Variants in GRB7 observed in about 807,000 individuals in gnomAD.
GRB7 encodes the protein growth factor receptor bound protein 7.
In GRB7, 47 loss-of-function variants were observed where a neutral mutation model predicts 64.1. That is an observed-to-expected ratio of 0.73 (90% CI 0.58 to 0.94). GRB7 has a LOEUF of 0.94. Ranked by LOEUF, GRB7 falls within the 40% of genes least tolerant of loss-of-function variation. The probability of loss-of-function intolerance (pLI) is 0.00; values close to 1 mark genes in which losing one functional copy is unlikely to be tolerated. For missense variants in GRB7, 634 were observed against 718.4 expected (o/e 0.88, Z 1.34); for synonymous variants, 277 against 279.9 (o/e 0.99, Z 0.10).
chr17:39,745,524 G>T lies in GRB7; in HGVS notation c.1195G>T (p.Ala399Ser), dbSNP rs2060037447. ...REALSVALEE[A>S]QAWRKKTNHR... ...GGCTCTGAGTGTGGCCCTGGAGGAG[G>T]CCCAGGCCTGGAGGGTGAGGCCTGC... Residue 399 changes from alanine (A) to serine (S), a missense_variant, in exon 11 of 15, where the codon GCC (alanine) becomes TCC (serine). Physicochemically the swap from Ala to Ser is moderately conservative, Grantham distance 99 (BLOSUM62 1). This residue lies in a region of GRB7 where 467 missense variants were observed against 576.6 expected (regional missense o/e 0.81). Transcript: ENST00000309156. The T allele has an allele frequency of 6.2e-7, 1 of 1,613,536 alleles. No homozygotes were observed. Among genetic ancestry groups the T allele is most frequent in the Admixed American group, 1.7e-5 (1 of 60,026 alleles).
At chr17:39,745,172 C>A in intron 9 of GRB7, 71 bp from the exon 10 acceptor site, 1 of 1,357,636 alleles carries the variant, frequency 7.4e-7, no homozygotes, top group South Asian at 1.4e-5. Context: ...AAGTCCTGGT[C>A]TGAGGGGGGC....
At chr17:39,746,249 C>A (rs374408703) in intron 14 of GRB7, 47 bp downstream of exon 14, 11 of 1,476,164 alleles carry the variant, frequency 7.5e-6, no homozygotes, top group Non-Finnish European at 8.5e-6. Context: ...ACACAGGACT[C>A]CCAGCAACCT....
chr17:39,745,620 A>G lies in GRB7; in HGVS notation c.1209+82A>G. The G allele has an allele frequency of 1.3e-6, 2 of 1,558,872 alleles. 1 individual carries two copies. Among genetic ancestry groups the G allele is most frequent in the East Asian group, 4.5e-5 (2 of 44,612 alleles). Reference sequence around the variant, plus strand: ...TCCCTGAAATAGGAGGGAGGAAGAGAGGGCGGGGGGAGGCCCCTGGCTGGG... The same window carrying G: ...TCCCTGAAATAGGAGGGAGGAAGAGGGGGCGGGGGGAGGCCCCTGGCTGGG... On this transcript the variant is annotated intron_variant, in intron 11 of 14. Coordinates refer to ENST00000309156, the MANE Select transcript of GRB7 (RefSeq NM_005310.5).
At position 39,746,182 on chromosome 17, in the gene GRB7, A is replaced by G; in HGVS notation, c.1432A>G (p.Lys478Glu). 1 of 1,613,898 alleles carries G rather than the reference A, an allele frequency of 6.2e-7. No individual in the cohort carries two copies. The change falls in exon 14 of 15, where the codon AAG becomes GAG. Residue 478 changes from lysine (K) to glutamate (E), a missense_variant. Lys to Glu is a moderately conservative substitution (Grantham distance 56, BLOSUM62 1). Around this residue, in one of 2 missense-constraint regions of GRB7, gnomAD observed 467 missense variants for 576.6 expected, o/e 0.81. Transcript: ENST00000309156. ...CTCTTTGTGCCACCTGCAGAAAGTG[A>G]AGCATTATCTCATCCTGCCGGTGAG... The part of the protein sequence containing the change: ...VLSLCHLQKV[K>E]HYLILPSEEE...
Position 39,743,446 on chromosome 17 carries a change from T to A in GRB7, c.639T>A (p.Gly213=), listed in dbSNP as rs1038171183. 2.5e-6 allele frequency: 4 copies of A among 1,614,070 alleles called. No homozygotes were observed. Among genetic ancestry groups the A allele is most frequent in the Non-Finnish European group, 3.4e-6 (4 of 1,179,964 alleles). The change falls in exon 6 of 15, where the codon GGT becomes GGA. Residue 213 remains glycine, a synonymous_variant. Coordinates refer to ENST00000309156, the MANE Select transcript of GRB7 (RefSeq NM_005310.5). ...CCAGCTGTCTCGATGCACACACTGGTATATCCCATGAAGACCTCATCCAGG... is the reference window on the plus strand; with the variant it reads ...CCAGCTGTCTCGATGCACACACTGGAATATCCCATGAAGACCTCATCCAGG... ...MVSSCLDAHT[G]ISHEDLIQNF...
chr17:39,746,196 C>T lies in GRB7; in HGVS notation c.1446C>T (p.Ile482=). ...CHLQKVKHYL[I]LPSEEEGRLY... ...TGCAGAAAGTGAAGCATTATCTCAT[C>T]CTGCCGGTGAGCTTCCCTGCGTCCC... Residue 482 remains isoleucine (I), a synonymous_variant, in exon 14 of 15, where the codon ATC becomes ATT. Coordinates refer to ENST00000309156, the MANE Select transcript of GRB7 (RefSeq NM_005310.5). 6.2e-7 allele frequency: 1 copy of T among 1,613,396 alleles called. No homozygotes were observed. The highest frequency in any genetic ancestry group is 8.5e-7 in the Non-Finnish European group (1 of 1,179,386).
Position 39,746,932 on chromosome 17 carries a change from T to C in GRB7, c.*35T>C. ...GGACTGGCTCATGCCTCAGCCCGCC[T>C]TCAGGCTGCCCGCCGCCCCTCCACC... is the stretch of plus-strand genomic sequence containing the variant. On this transcript the variant is annotated 3_prime_UTR_variant, in exon 15 of 15. Transcript: ENST00000309156. The C allele has an allele frequency of 6.3e-7, 1 of 1,578,316 alleles. No individual in the cohort carries two copies. The highest frequency in any genetic ancestry group is 1.1e-5 in the South Asian group (1 of 89,576).
intron 9 of GRB7, 48 bp from the exon 10 acceptor site, chr17:39,745,195 C>A (rs1001675156): frequency 1.3e-6 from 2 of 1,482,540 alleles, no homozygotes; most frequent in Non-Finnish European, 1.8e-6. Context: ...CACAGCCACG[C>A]CCCCAGGACC....
Position 39,746,980 on chromosome 17 carries a change from G to A in GRB7, c.*83G>A, listed in dbSNP as rs938627024. On this transcript the variant is annotated 3_prime_UTR_variant, in exon 15 of 15. Coordinates refer to ENST00000309156, the MANE Select transcript of GRB7 (RefSeq NM_005310.5). ...ACCCATCCAGTGGACTCTGGGGCGC[G>A]GCCACAGGGGACGGGATGAGGAGCG... 4.2e-5 allele frequency: 61 copies of A among 1,448,028 alleles called. No individual in the cohort carries two copies. In the Admixed American group the frequency reaches 6.0e-4, roughly 14 times the overall value. The allele number at this position is 1,448,028 out of a possible 1,614,324, so 89.7% of individuals were successfully genotyped here.
At position 39,747,035 on chromosome 17, in the gene GRB7, C is replaced by T; in HGVS notation, c.*138C>T. ...GGTTCCGCCACTCCAGTTTTCTCCT[C>T]TGCTTCTTTGCCTCCCTCAGATAGA... On this transcript the variant is annotated 3_prime_UTR_variant, in exon 15 of 15. Coordinates refer to ENST00000309156, the MANE Select transcript of GRB7 (RefSeq NM_005310.5). 2.2e-6 allele frequency: 2 copies of T among 911,292 alleles called. No homozygotes were observed. The highest frequency in any genetic ancestry group is 5.4e-5 in the East Asian group (2 of 36,868). 56.5% of individuals were successfully genotyped at this position (911,292 alleles called of 1,614,324 possible).
At position 39,745,755 on chromosome 17, in the gene GRB7, C is replaced by T; in HGVS notation, c.1237C>T (p.Pro413Ser). 1 of 1,614,012 alleles carries T rather than the reference C, an allele frequency of 6.2e-7. No individual in the cohort carries two copies. Among genetic ancestry groups the T allele is most frequent in the East Asian group, 2.2e-5 (1 of 44,888 alleles). ...RKKTNHRLSL[P>S]MPASGTSLSA... Reference sequence around the variant, plus strand: ...GAAGACAAACCACCGCCTCAGCCTGCCCATGCCAGCCTCCGGCACGAGCCT... The same window carrying T: ...GAAGACAAACCACCGCCTCAGCCTGTCCATGCCAGCCTCCGGCACGAGCCT... The change falls in exon 12 of 15, where the codon CCC becomes TCC. Residue 413 changes from proline to serine, a missense_variant. Physicochemically the swap from Pro to Ser is moderately conservative, Grantham distance 74. This residue lies in a region of GRB7 where 467 missense variants were observed against 576.6 expected (regional missense o/e 0.81). Transcript: ENST00000309156.
At position 39,745,256 on chromosome 17, in the gene GRB7, T is replaced by C. The variant is rs956149147; in HGVS notation, c.1025T>C (p.Leu342Pro). 1 of 1,609,758 alleles carries C rather than the reference T, an allele frequency of 6.2e-7. No homozygotes were observed. Residue 342 changes from leucine (L) to proline (P), a missense_variant, in exon 10 of 15, where the codon CTG (leucine) becomes CCG (proline). Physicochemically the swap from Leu to Pro is moderately conservative, Grantham distance 98. Coordinates refer to ENST00000309156, the MANE Select transcript of GRB7 (RefSeq NM_005310.5). ...AFRLFKYGVQLYKNYQQAQSR... is the reference protein window; with the variant it reads ...AFRLFKYGVQPYKNYQQAQSR... Reference sequence around the variant, plus strand: ...CCCCACCCCCAGTACGGGGTGCAGCTGTACAAGAATTACCAGCAGGCACAG... The same window carrying C: ...CCCCACCCCCAGTACGGGGTGCAGCCGTACAAGAATTACCAGCAGGCACAG...
Position 39,743,037 on chromosome 17 carries a change from A to G in GRB7, c.446A>G (p.His149Arg). ...GAGACCTGGGGGCTGGTGGAGTGCC[A>G]CCCCCACCTAGCACTGGGTAAGTCA... ...SDETWGLVECHPHLALERGLE... is the reference protein window; with the variant it reads ...SDETWGLVECRPHLALERGLE... The change falls in exon 4 of 15, where the codon CAC (histidine) becomes CGC (arginine). Residue 149 changes from histidine (H) to arginine (R), a missense_variant. His to Arg is a conservative substitution (Grantham distance 29). This residue lies in a region of GRB7 where 467 missense variants were observed against 576.6 expected (regional missense o/e 0.81). Coordinates refer to ENST00000309156, the MANE Select transcript of GRB7 (RefSeq NM_005310.5). The G allele has an allele frequency of 6.2e-7, 1 of 1,606,652 alleles. No homozygotes were observed. Among genetic ancestry groups the G allele is most frequent in the East Asian group, 2.2e-5 (1 of 44,762 alleles).
intron 1 of GRB7, chr17:39,739,038 A>AAGAAACCATC: frequency 1.0e-6 from 1 of 975,996 alleles, no homozygotes; most frequent in Non-Finnish European, 1.5e-6. Flanking sequence ...GGGATAGCAG[A>AAGAAACCATC]TGGTTTCTTC....
chr17:39,745,626 G>C lies in GRB7; in HGVS notation c.1209+88G>C, dbSNP rs1450630219. 19 of 1,560,070 alleles carry C rather than the reference G, an allele frequency of 1.2e-5. No homozygotes were observed. The Admixed American group carries it at 3.2e-4, about 26-fold the overall frequency. On this transcript the variant is annotated intron_variant, in intron 11 of 14. Transcript: ENST00000309156. ...AAATAGGAGGGAGGAAGAGAGGGCGGGGGGAGGCCCCTGGCTGGGAAGAAG... is the reference window on the plus strand; with the variant it reads ...AAATAGGAGGGAGGAAGAGAGGGCGCGGGGAGGCCCCTGGCTGGGAAGAAG...
Position 39,743,445 on chromosome 17 carries a change from G to A in GRB7, c.638G>A (p.Gly213Asp). ...TCCAGCTGTCTCGATGCACACACTGGTATATCCCATGAAGACCTCATCCAG... is the reference window on the plus strand; with the variant it reads ...TCCAGCTGTCTCGATGCACACACTGATATATCCCATGAAGACCTCATCCAG... ...MVSSCLDAHT[G>D]ISHEDLIQNF... Residue 213 changes from glycine to aspartate, a missense_variant, in exon 6 of 15, where the codon GGT becomes GAT. By Grantham distance (94) the Gly-to-Asp change is moderately conservative. Around this residue, in one of 2 missense-constraint regions of GRB7, gnomAD observed 467 missense variants for 576.6 expected, o/e 0.81. Coordinates refer to ENST00000309156, the MANE Select transcript of GRB7 (RefSeq NM_005310.5). The A allele has an allele frequency of 6.2e-7, 1 of 1,614,110 alleles. No individual in the cohort carries two copies. The highest frequency in any genetic ancestry group is 2.2e-5 in the East Asian group (1 of 44,872).
Position 39,746,013 on chromosome 17 carries a change from G to A in GRB7, c.1358+13G>A, listed in dbSNP as rs1333661793. 1 of 1,613,950 alleles carries A rather than the reference G, an allele frequency of 6.2e-7. No individual in the cohort carries two copies. Among genetic ancestry groups the A allele is most frequent in the South Asian group, 1.1e-5 (1 of 91,080 alleles). On this transcript the variant is annotated intron_variant, in intron 13 of 14. Coordinates refer to ENST00000309156, the MANE Select transcript of GRB7 (RefSeq NM_005310.5). The stretch of plus-strand genomic sequence containing the variant: ...GCTTGGTAGACGGGTAAGGGGCAGG[G>A]CCGGGCAACAGACCCAGGGATAAGA...
In GRB7 at chr17:39,744,171, A is replaced by G; in HGVS notation, c.765A>G (p.Arg255=). The G allele has an allele frequency of 6.2e-7, 1 of 1,614,064 alleles. No homozygotes were observed. Residue 255 remains arginine, a synonymous_variant, in exon 7 of 15, where the codon CGA becomes CGG. Transcript: ENST00000309156. ...LWKRFFCFLR[R]SGLYYSTKGT... The stretch of plus-strand genomic sequence containing the variant: ...AACGCTTTTTCTGCTTCTTGCGCCG[A>G]TCTGGCCTCTATTACTCCACCAAGG...
chr17:39,745,891 C>T (rs2060041368), intron 12 of GRB7, 22 bp from the exon 13 acceptor site: 1 of 1,613,792 alleles, frequency 6.2e-7, no homozygotes, highest in East Asian at 2.2e-5. Flanking sequence ...AAAGTGACCG[C>T]CCATGTCCTT....
Sources: gnomAD v4.1 joint callset for allele counts on GRCh38, gnomAD v4.1.1 for gene constraint, gnomAD v4.1.1 regional missense constraint, MANE v1.5 for transcripts, NCBI Gene and HGNC (gene_info 2026-07-23, HGNC 2026-07-21) for gene names.